MAN2A2: variants seen among roughly 807,000 people sequenced by gnomAD.
MAN2A2 encodes the protein mannosidase alpha class 2A member 2, also known as alpha-mannosidase 2x.
A neutral mutation model predicts 126.8 loss-of-function variants in MAN2A2; 79 were observed. That is an observed-to-expected ratio of 0.62 (90% CI 0.52 to 0.75). The LOEUF is 0.75. MAN2A2 is among the 30% of genes least tolerant of loss of function. The pLI is 0.00. For missense variants in MAN2A2, 1,392 were observed against 1,522.4 expected, an observed-to-expected ratio of 0.91 and a Z score of 1.43; for synonymous variants, 671 against 618.7, an observed-to-expected ratio of 1.08 and a Z score of -1.25.
rs2035160509 is a variant in MAN2A2 at position 90,916,158 on chromosome 15, C to A, written c.2896C>A (p.Gln966Lys). ...GGTGATCTTGGACCGGCGGCTGATGCAGGATGACAACCGGGGCCTAGGCCA... is the reference window on the plus strand; with the variant it reads ...GGTGATCTTGGACCGGCGGCTGATGAAGGATGACAACCGGGGCCTAGGCCA... ...LEVILDRRLM[Q>K]DDNRGLGQGL... Residue 966 changes from glutamine (Q) to lysine (K), a missense_variant, in exon 20 of 23, where the codon CAG (glutamine) becomes AAG (lysine). Gln to Lys is a moderately conservative substitution (Grantham distance 53). Transcript: ENST00000559717. 6.2e-7 allele frequency: 1 copy of A among 1,613,936 alleles called. No homozygotes were observed. Among genetic ancestry groups the A allele is most frequent in the African/African-American group, 1.3e-5 (1 of 74,916 alleles).
chr15:90,910,184 G>T lies in MAN2A2; in HGVS notation c.1469G>T (p.Ser490Ile), dbSNP rs773031755. Residue 490 changes from serine to isoleucine, a missense_variant, in exon 10 of 23, where the codon AGC becomes ATC. By Grantham distance (142) the Ser-to-Ile change is moderately radical. Transcript: ENST00000559717. ...GARPPGFPVL[S>I]GDFFSYADRE... ...CGGCCTCCAGGGTTTCCTGTGCTGA[G>T]CGGGGATTTCTTCTCCTATGCGGAC... 6.2e-7 allele frequency: 1 copy of T among 1,614,222 alleles called. No individual in the cohort carries two copies. Among genetic ancestry groups the T allele is most frequent in the East Asian group, 2.2e-5 (1 of 44,888 alleles).
chr15:90,918,776 GAGCACCT>G, intron 22 of MAN2A2, 21 bp downstream of exon 22: 1 of 1,484,350 alleles, frequency 6.7e-7, no homozygotes, highest in Non-Finnish European at 9.4e-7. Context: ...TGGGGAAACA[GAGCACCT>G]AGGAATGGCA....
At chr15:90,914,608 C>T (rs1318865647) in intron 19 of MAN2A2, among the ~76,000 whole-genome samples, 2 of 152,210 alleles carry the variant, frequency 1.3e-5, no homozygotes, top group Non-Finnish European at 2.9e-5. Context: ...CAACCTCCGC[C>T]TTCCGATTTG....
intron 15 of MAN2A2, 73 bp from the exon 16 acceptor site, chr15:90,912,469 T>C (rs547565056): frequency 5.0e-6 from 8 of 1,597,822 alleles, no homozygotes; most frequent in Non-Finnish European, 6.8e-6. Context: ...GGGGAAGCTA[T>C]TCCGTGTCCT....
rs2034342256 is a variant in MAN2A2, at chr15:90,906,910, TG to T, written c.1009+1del. On this transcript the variant is annotated frameshift_variant and splice_region_variant, in exon 7 of 23. Coordinates refer to ENST00000559717, the MANE Select transcript of MAN2A2 (RefSeq NM_006122.4). LOFTEE classifies it high-confidence loss of function. ...CCTAGAGTTCATGTGGAGGCAGACA[TG>T]GGGTAAGGCCGGGTAGGGTAGAGGG... ...HSLEFMWRQT[W>X]DSDSSTDIFC... The T allele has an allele frequency of 6.2e-7, 1 of 1,613,868 alleles. No homozygotes were observed. Among genetic ancestry groups the T allele is most frequent in the Non-Finnish European group, 8.5e-7 (1 of 1,179,966 alleles).
rs1351436878 is a variant in MAN2A2 at position 90,906,887 on chromosome 15, T to G, written c.983T>G (p.Leu328Arg). Reference sequence around the variant, plus strand: ...AAGCACTTTGCTGCCACCCACAGCCTAGAGTTCATGTGGAGGCAGACATGG... The same window carrying G: ...AAGCACTTTGCTGCCACCCACAGCCGAGAGTTCATGTGGAGGCAGACATGG... Reference protein sequence around the residue: ...IKKHFAATHSLEFMWRQTWDS... With the variant: ...IKKHFAATHSREFMWRQTWDS... Residue 328 changes from leucine to arginine, a missense_variant, in exon 7 of 23, where the codon CTA (leucine) becomes CGA (arginine). Transcript: ENST00000559717. The G allele has an allele frequency of 1.9e-6, 3 of 1,614,008 alleles. No homozygotes were observed. Among genetic ancestry groups the G allele is most frequent in the Non-Finnish European group, 2.5e-6 (3 of 1,179,980 alleles).
chr15:90,903,078 G>A (rs1208395033), upstream of MAN2A2: 1 of 152,082 alleles, frequency 6.6e-6, no homozygotes, highest in Non-Finnish European at 1.5e-5. Context: ...GAGGGGCCAG[G>A]AAGGGACAGG....
In MAN2A2 at chr15:90,907,082, C is replaced by G. The variant is rs2076995678; in HGVS notation, c.1009+169C>G. On this transcript the variant is annotated intron_variant, in intron 7 of 22. Transcript: ENST00000559717. The stretch of plus-strand genomic sequence containing the variant: ...GGTTAGGGGAGGGCCATATTGACCT[C>G]TGGCCTCTACAGGGCCTGCTGTCCC... The G allele has an allele frequency of 1.7e-5, 16 of 931,708 alleles. 2 individuals carry two copies. The highest frequency in any genetic ancestry group is 2.4e-5 in the Admixed American group (1 of 41,238). The allele number at this position is 931,708 out of a possible 1,614,324, so 57.7% of individuals were successfully genotyped here.
chr15:90,912,255 C>A lies in MAN2A2; in HGVS notation c.2322C>A (p.Phe774Leu). The A allele has an allele frequency of 1.2e-6, 2 of 1,614,242 alleles. No homozygotes were observed. Among genetic ancestry groups the A allele is most frequent in the Non-Finnish European group, 8.5e-7 (1 of 1,180,044 alleles). The change falls in exon 15 of 23, where the codon TTC (phenylalanine) becomes TTA (leucine). Residue 774 changes from phenylalanine to leucine, a missense_variant. Phe to Leu is a conservative substitution (Grantham distance 22, BLOSUM62 0). Coordinates refer to ENST00000559717, the MANE Select transcript of MAN2A2 (RefSeq NM_006122.4). ...GCAACCGCTACATGCAGGTCTGGTT[C>A]TCAGGCCTTACTGGGCTCCTCAAGG... The part of the protein sequence containing the change: ...ALSNRYMQVW[F>L]SGLTGLLKSI...
chr15:90,910,013 C>T, intron 9 of MAN2A2, 77 bp from the exon 10 acceptor site: 1 of 1,336,156 alleles, frequency 7.5e-7, no homozygotes, highest in South Asian at 1.4e-5. Flanking sequence ...CCTGCCTCAC[C>T]CCCAACTGCA....
chr15:90,918,310 T>C lies in MAN2A2; in HGVS notation c.3111T>C (p.Gly1037=), dbSNP rs1194790091. 6.2e-7 allele frequency: 1 copy of C among 1,614,058 alleles called. No homozygotes were observed. The highest frequency in any genetic ancestry group is 8.5e-7 in the Non-Finnish European group (1 of 1,180,038). ...CCAGGATGCAGCTCCCAGGCCCTGGTCTGCGCTCATTTCATCCTCTGGCTT... is the reference window on the plus strand; with the variant it reads ...CCAGGATGCAGCTCCCAGGCCCTGGCCTGCGCTCATTTCATCCTCTGGCTT... ...PVARMQLPGP[G]LRSFHPLASS... The change falls in exon 21 of 23, where the codon GGT becomes GGC. Residue 1037 remains glycine (G), a synonymous_variant. Coordinates refer to ENST00000559717, the MANE Select transcript of MAN2A2 (RefSeq NM_006122.4).
upstream of MAN2A2, chr15:90,903,080 AG>A (rs1468221572): frequency 3.3e-5 from 5 of 151,878 alleles, no homozygotes; most frequent in Non-Finnish European, 7.4e-5. Flanking sequence ...GGGGCCAGGA[AG>A]GGACAGGAGG....
chr15:90,912,975 G>A lies in MAN2A2; in HGVS notation c.2568G>A (p.Arg856=). The A allele has an allele frequency of 6.2e-7, 1 of 1,613,762 alleles. No individual in the cohort carries two copies. The highest frequency in any genetic ancestry group is 8.5e-7 in the Non-Finnish European group (1 of 1,179,766). Reference sequence around the variant, plus strand: ...ATGAGCACATTCACCAGGCGGTCCGGCTTTACAATCTGCCAGGTGAGCCCT... The same window carrying A: ...ATGAGCACATTCACCAGGCGGTCCGACTTTACAATCTGCCAGGTGAGCCCT... The part of the protein sequence containing the change: ...AYYEHIHQAV[R]LYNLPGVEGL... The change falls in exon 17 of 23, where the codon CGG becomes CGA. Residue 856 remains arginine, a synonymous_variant. Transcript: ENST00000559717.
chr15:90,907,338 C>G lies in MAN2A2; in HGVS notation c.1039C>G (p.His347Asp), dbSNP rs1162447272. The G allele has an allele frequency of 6.2e-7, 1 of 1,613,950 alleles. No homozygotes were observed. Among genetic ancestry groups the G allele is most frequent in the Non-Finnish European group, 8.5e-7 (1 of 1,179,948 alleles). The change falls in exon 8 of 23, where the codon CAC (histidine) becomes GAC (aspartate). Residue 347 changes from histidine (H) to aspartate (D), a missense_variant. Physicochemically the swap from His to Asp is moderately conservative, Grantham distance 81 (BLOSUM62 -1). Coordinates refer to ENST00000559717, the MANE Select transcript of MAN2A2 (RefSeq NM_006122.4). ...DSDSSTDIFC[H>D]MMPFYSYDVP... ...GGACTCCAGCACAGACATCTTCTGT[C>G]ACATGATGCCCTTCTACAGCTATGA...
At position 90,905,379 on chromosome 15, in the gene MAN2A2, C is replaced by G. The variant is rs773082510; in HGVS notation, c.261C>G (p.Ala87=). The G allele has an allele frequency of 6.8e-6, 11 of 1,614,016 alleles. No individual in the cohort carries two copies. Among genetic ancestry groups the G allele is most frequent in the East Asian group, 2.2e-5 (1 of 44,892 alleles). Residue 87 remains alanine (A), a synonymous_variant, in exon 3 of 23, where the codon GCC becomes GCG. Coordinates refer to ENST00000559717, the MANE Select transcript of MAN2A2 (RefSeq NM_006122.4). ...CAGCCAACGCAGAGGGCCCGCCCGC[C>G]ATGCTGCCCTACTACACGGTCAATG... ...ELTANAEGPP[A]MLPYYTVNGS...
chr15:90,911,131 G>A, intron 12 of MAN2A2, 40 bp from the exon 13 acceptor site: 11 of 1,607,166 alleles, frequency 6.8e-6, no homozygotes, highest in Non-Finnish European at 7.7e-6. Context: ...AGGAGGCTGA[G>A]CCCATGATGG....
chr15:90,907,071 C>T (rs2034356257), intron 7 of MAN2A2, 158 bp downstream of exon 7: 19 of 993,248 alleles, frequency 1.9e-5, no homozygotes, highest in Non-Finnish European at 2.8e-5. Flanking sequence ...AGGGGAGGGC[C>T]ATATTGACCT....
At position 90,919,485 on chromosome 15, in the gene MAN2A2, C is replaced by T. The variant is rs983023852; in HGVS notation, c.3301-150C>T. 34 of 862,234 alleles carry T rather than the reference C, an allele frequency of 3.9e-5. No homozygotes were observed. The Admixed American group carries it at 5.5e-4, about 14-fold the overall frequency. 53.4% of individuals were successfully genotyped at this position (862,234 alleles called of 1,614,324 possible). A position where few individuals can be genotyped will look rare whatever the true frequency, so the allele number is the denominator to read the frequency against. On this transcript the variant is annotated intron_variant, in intron 22 of 22. Transcript: ENST00000559717. ...AACTCCTGACCTCAGGTGATCCACC[C>T]GCCTTGGCCTCCCAAAGTGCTGGGA...
chr15:90,905,339 C>G lies in MAN2A2; in HGVS notation c.221C>G (p.Ser74Cys), dbSNP rs1309684801. Residue 74 changes from serine (S) to cysteine (C), a missense_variant, in exon 3 of 23, where the codon TCC (serine) becomes TGC (cysteine). By Grantham distance (112) the Ser-to-Cys change is moderately radical. Coordinates refer to ENST00000559717, the MANE Select transcript of MAN2A2 (RefSeq NM_006122.4). ...GAGATTATCAGCCATATCAAGGACT[C>G]CGTGCTGGAGCTGACAGCCAACGCA... ...NHEIISHIKD[S>C]VLELTANAEG... The G allele has an allele frequency of 1.2e-6, 2 of 1,613,908 alleles. No individual in the cohort carries two copies. Among genetic ancestry groups the G allele is most frequent in the African/African-American group, 1.3e-5 (1 of 75,038 alleles).
Sources: gnomAD v4.1 joint callset for allele counts (sites outside exome capture counted in the v4.1 genomes callset) on GRCh38, gnomAD v4.1.1 for gene constraint, MANE v1.5 for transcripts, NCBI Gene and HGNC (gene_info 2026-07-23, HGNC 2026-07-21) for gene names.